The following GALNT13 variants were observed in gnomAD, a reference collection of about 807,000 sequenced individuals.
GALNT13 encodes the protein UDP-GalNAc:polypeptide N-acetylgalactosaminyltransferase 13.
Under a neutral mutation model 64.2 loss-of-function variants are expected in GALNT13, and 28 were observed. The ratio of observed to expected loss-of-function variants is 0.44; its 90% confidence interval spans 0.32 to 0.60. The LOEUF (loss-of-function observed/expected upper bound fraction) is 0.60. Among genes scored for constraint, GALNT13 ranks in the 20% least tolerant of loss-of-function variants. GALNT13 has a pLI of 0.05. For missense variants in GALNT13, 577 were observed against 669.8 expected (o/e 0.86, Z 1.53); for synonymous variants, 214 against 224.6 (o/e 0.95, Z 0.42).
intron 3 of GALNT13, among the ~76,000 whole-genome samples, chr2:154,131,377 A>G (rs1682606601): frequency 2.0e-5 from 3 of 152,212 alleles, no homozygotes; most frequent in South Asian, 2.1e-4. Context: ...GGACCTTGCT[A>G]CTTATTTTTT....
At chr2:153,677,241 G>A in the GALNT13 span, among the ~76,000 whole-genome samples, 1,046 of 150,986 alleles carry the variant, frequency 6.9e-3, 10 homozygotes, top group African/African-American at 0.024. Context: ...TAACATTTGA[G>A]CTTGGAACCA....
chr2:153,106,541 T>C, the GALNT13 span, among the ~76,000 whole-genome samples: 1 of 152,284 alleles, frequency 6.6e-6, no homozygotes, highest in Admixed American at 6.5e-5. Context: ...GGAATAAAAA[T>C]GATGCAGTCC....
upstream of GALNT13, among the ~76,000 whole-genome samples, chr2:153,871,253 T>C (rs548555247): frequency 2.6e-5 from 4 of 152,328 alleles, no homozygotes; most frequent in East Asian, 7.7e-4. Flanking sequence ...CTTTACCTCT[T>C]CATAAAAATT....
chr2:153,794,524 CT>C, the GALNT13 span, among the ~76,000 whole-genome samples: 1,972 of 146,186 alleles, frequency 0.013, 41 homozygotes, highest in African/African-American at 0.042. Flanking sequence ...ATTAGAATAA[CT>C]TTTTTTTTTT....
intron 1 of GALNT13, among the ~76,000 whole-genome samples, chr2:153,872,967 C>G (rs1231610309): frequency 6.6e-6 from 1 of 152,092 alleles, no homozygotes; most frequent in Non-Finnish European, 1.5e-5. Context: ...TTCTGTTTCC[C>G]TCTTTCTTTC....
chr2:154,386,152 G>A (rs1318604514), intron 9 of GALNT13, among the ~76,000 whole-genome samples: 2 of 151,830 alleles, frequency 1.3e-5, no homozygotes, highest in Non-Finnish European at 2.9e-5. Context: ...CAATCACCAA[G>A]ACGATGAGTA....
At chr2:153,786,714 C>T in the GALNT13 span, among the ~76,000 whole-genome samples, 1 of 152,102 alleles carries the variant, frequency 6.6e-6, no homozygotes, top group Non-Finnish European at 1.5e-5. Context: ...GTAACAGCGG[C>T]TCCAAATTCC....
the GALNT13 span, among the ~76,000 whole-genome samples, chr2:153,518,345 T>C: frequency 6.6e-6 from 1 of 152,166 alleles, no homozygotes; most frequent in South Asian, 2.1e-4. Context: ...TGTATATTTG[T>C]TCATCCAGGA....
At chr2:154,301,339 G>T in intron 8 of GALNT13, 70 bp from the exon 9 acceptor site, 15 of 1,261,862 alleles carry the variant, frequency 1.2e-5, no homozygotes, top group Non-Finnish European at 1.7e-5. Flanking sequence ...CGAAGATTTG[G>T]CCTAAGCTTC....
chr2:154,149,146 G>A lies in GALNT13; in HGVS notation c.311+8641G>A, dbSNP rs566702290. On this transcript the variant is annotated intron_variant, in intron 4 of 12. Transcript: ENST00000392825. ...GATCCAGTTTCAGCTTTCTACATAT[G>A]GCTAGCCAGTTTTCCCAGCACCATT... is the stretch of plus-strand genomic sequence containing the variant. Among the ~76,000 whole-genome samples, 743 of 152,238 alleles carry A rather than the reference G, an allele frequency of 4.9e-3. 5 individuals are homozygous for A. The highest frequency in any genetic ancestry group is 0.017 in the African/African-American group (708 of 41,540).
chr2:153,403,784 G>C, the GALNT13 span, among the ~76,000 whole-genome samples: 1 of 152,078 alleles, frequency 6.6e-6, no homozygotes, highest in African/African-American at 2.4e-5. Flanking sequence ...GCCCTGCTTC[G>C]GCTCGTGCAC....
the GALNT13 span, among the ~76,000 whole-genome samples, chr2:153,114,535 T>G: frequency 4.6e-5 from 7 of 152,120 alleles, no homozygotes; most frequent in Admixed American, 2.0e-4. Context: ...TAATAAGCTT[T>G]GGATTTCAGT....
chr2:153,458,613 G>A, the GALNT13 span, among the ~76,000 whole-genome samples: 1 of 152,122 alleles, frequency 6.6e-6, no homozygotes. Context: ...ACATCTACTT[G>A]GGTGATATAA....
At chr2:153,342,149 C>T in the GALNT13 span, among the ~76,000 whole-genome samples, 1 of 152,140 alleles carries the variant, frequency 6.6e-6, no homozygotes, top group African/African-American at 2.4e-5. Flanking sequence ...CAGGAGCAGA[C>T]ACAGTGAAGC....
the GALNT13 span, among the ~76,000 whole-genome samples, chr2:153,522,450 G>A: frequency 6.6e-6 from 1 of 152,218 alleles, no homozygotes; most frequent in Admixed American, 6.5e-5. Flanking sequence ...TAAGAAACCA[G>A]TGTACTGTCT....
the GALNT13 span, among the ~76,000 whole-genome samples, chr2:153,117,512 C>T: frequency 6.6e-6 from 1 of 152,106 alleles, no homozygotes; most frequent in African/African-American, 2.4e-5. Context: ...CCATATAAAA[C>T]TTACTCATGG....
At chr2:154,306,121 G>A (rs1246701768) in intron 9 of GALNT13, among the ~76,000 whole-genome samples, 1 of 151,854 alleles carries the variant, frequency 6.6e-6, no homozygotes, top group African/African-American at 2.4e-5. Flanking sequence ...GAGAGGTGAA[G>A]GGTCTTCCTC....
chr2:153,253,080 T>C, the GALNT13 span, among the ~76,000 whole-genome samples: 1 of 151,936 alleles, frequency 6.6e-6, no homozygotes, highest in Non-Finnish European at 1.5e-5. Context: ...ATTTTCATGA[T>C]ATTGATTCTT....
intron 3 of GALNT13, among the ~76,000 whole-genome samples, chr2:154,114,408 G>A (rs1287512953): frequency 6.6e-6 from 1 of 152,152 alleles, no homozygotes; most frequent in Non-Finnish European, 1.5e-5. Flanking sequence ...ATCTCCACAA[G>A]TTTCTACTTT....
Sources: gnomAD v4.1 joint callset for allele counts (sites outside exome capture counted in the v4.1 genomes callset) on GRCh38, gnomAD v4.1.1 for gene constraint, MANE v1.5 for transcripts, NCBI Gene and HGNC (gene_info 2026-07-23, HGNC 2026-07-21) for gene names.